Variants in GALNT2 observed in about 807,000 individuals in gnomAD.
The protein encoded by GALNT2 is polypeptide N-acetylgalactosaminyltransferase 2.
A neutral mutation model predicts 81.4 loss-of-function variants in GALNT2; 31 were observed. The ratio of observed to expected loss-of-function variants is 0.38; its 90% CI spans 0.29 to 0.51. The LOEUF (loss-of-function observed/expected upper bound fraction) is 0.51, where lower values mean the gene tolerates loss of function less well. Ranked by LOEUF, GALNT2 falls within the 20% of genes least tolerant of loss-of-function variation. The pLI, the probability that GALNT2 is intolerant of heterozygous loss-of-function variation, is 0.87. For synonymous variants in GALNT2, 303 were observed against 287.4 expected (o/e 1.05, Z -0.55); for missense variants, 629 against 765.7 (o/e 0.82, Z 2.11).
intron 8 of GALNT2, among the ~76,000 whole-genome samples, chr1:230,247,392 C>T (rs76601979): frequency 5.3e-5 from 8 of 152,202 alleles, no homozygotes; most frequent in African/African-American, 1.9e-4. Context: ...TCAGCTTCCC[C>T]CTCTGGGAAA....
chr1:230,235,260 T>C (rs1045619091), intron 3 of GALNT2, among the ~76,000 whole-genome samples: 3 of 151,524 alleles, frequency 2.0e-5, no homozygotes, highest in Admixed American at 2.0e-4. Context: ...TCTTCTAGTC[T>C]TGTGTCTGTC....
intron 1 of GALNT2, among the ~76,000 whole-genome samples, chr1:230,106,712 C>T (rs1660555733): frequency 6.6e-6 from 1 of 152,306 alleles, no homozygotes; most frequent in Non-Finnish European, 1.5e-5. Flanking sequence ...TTGCTAAGCT[C>T]TGTGCTAAGG....
In GALNT2 at chr1:230,249,782, A is replaced by T. The variant is rs528442858; in HGVS notation, c.905+511A>T. Among the ~76,000 whole-genome samples the T allele has an allele frequency of 3.3e-5, 5 of 152,372 alleles. No homozygotes were observed. The South Asian group carries it at 1.0e-3, about 32-fold the overall frequency. On this transcript the variant is annotated intron_variant, in intron 9 of 15. Transcript: ENST00000366672. ...AGGGGGCCACCTCTTCCAAGTTGGC[A>T]CACGGTTAAGTGAGATAGCATTCAC...
chr1:230,215,360 T>C (rs1664358012), intron 3 of GALNT2, among the ~76,000 whole-genome samples: 2 of 152,252 alleles, frequency 1.3e-5, no homozygotes, highest in Non-Finnish European at 2.9e-5. Flanking sequence ...TCAGAGAATG[T>C]TGGCCTTCCT....
chr1:230,274,459 G>A lies in GALNT2; in HGVS notation c.1455G>A (p.Thr485=), dbSNP rs376135832. The stretch of plus-strand genomic sequence containing the variant: ...TTGTGTTCCAGGAATGGGCCTTGAC[G>A]AAGGAGAAGTCGGTGAAGCACATGG... ...NAGGNQEWAL[T]KEKSVKHMDL... is the part of the protein sequence containing the mutation. Residue 485 remains threonine (T), a synonymous_variant, in exon 15 of 16, where the codon ACG becomes ACA. Coordinates refer to ENST00000366672, the MANE Select transcript of GALNT2 (RefSeq NM_004481.5). 213 of 1,613,608 alleles carry A rather than the reference G, an allele frequency of 1.3e-4. No individual in the cohort carries two copies. Among genetic ancestry groups the A allele is most frequent in the Middle Eastern group, 1.7e-4 (1 of 6,060 alleles).
chr1:230,096,305 A>C (rs1220852691), intron 1 of GALNT2, among the ~76,000 whole-genome samples: 1 of 152,242 alleles, frequency 6.6e-6, no homozygotes, highest in African/African-American at 2.4e-5. Context: ...ATTACAACTA[A>C]AGCATTCTTT....
At chr1:230,219,603 A>G (rs1191480923) in intron 3 of GALNT2, among the ~76,000 whole-genome samples, 1 of 152,036 alleles carries the variant, frequency 6.6e-6, no homozygotes, top group African/African-American at 2.4e-5. Context: ...TGGTGAGGAC[A>G]CCTGGATCCC....
intron 14 of GALNT2, among the ~76,000 whole-genome samples, chr1:230,272,458 C>T (rs1666182402): frequency 6.6e-6 from 1 of 152,138 alleles, no homozygotes; most frequent in South Asian, 2.1e-4. Context: ...GTCTGTTTCC[C>T]AAATTCATTT....
chr1:230,198,006 G>C (rs2102702599), intron 2 of GALNT2, among the ~76,000 whole-genome samples: 1 of 152,364 alleles, frequency 6.6e-6, no homozygotes. Flanking sequence ...GTAGGAGTAA[G>C]CGTCCGGCGC....
intron 1 of GALNT2, among the ~76,000 whole-genome samples, chr1:230,174,239 C>T (rs1294617990): frequency 6.6e-6 from 1 of 152,166 alleles, no homozygotes; most frequent in African/African-American, 2.4e-5. Flanking sequence ...GCTCCGAGGC[C>T]AGTGCTGCTC....
intron 3 of GALNT2, among the ~76,000 whole-genome samples, chr1:230,216,197 C>T (rs1022808874): frequency 3.9e-5 from 6 of 152,120 alleles, no homozygotes; most frequent in African/African-American, 7.2e-5. Context: ...TGCCCCCCGT[C>T]GTGGAACCAT....
intron 3 of GALNT2, among the ~76,000 whole-genome samples, chr1:230,221,106 G>A (rs991505240): frequency 2.0e-5 from 3 of 152,142 alleles, no homozygotes; most frequent in Non-Finnish European, 4.4e-5. Context: ...TCTGATGTTC[G>A]ATGTATGTCA....
intron 1 of GALNT2, among the ~76,000 whole-genome samples, chr1:230,124,797 A>G (rs2102805331): frequency 6.6e-6 from 1 of 152,296 alleles, no homozygotes; most frequent in Non-Finnish European, 1.5e-5. Context: ...TCCCACCTGC[A>G]TTACCCCCAT....
chr1:230,203,379 C>A, intron 3 of GALNT2, 89 bp downstream of exon 3: 1 of 1,424,826 alleles, frequency 7.0e-7, no homozygotes. Context: ...AGAACTTCTC[C>A]ATTACTCTGG....
chr1:230,247,337 C>T (rs1361374390), intron 8 of GALNT2, among the ~76,000 whole-genome samples: 2 of 152,244 alleles, frequency 1.3e-5, no homozygotes, highest in East Asian at 3.9e-4. Context: ...CCACCTGCCT[C>T]TTGCAGGCCC....
At chr1:230,127,458 C>T (rs1161722757) in intron 1 of GALNT2, among the ~76,000 whole-genome samples, 2 of 152,106 alleles carry the variant, frequency 1.3e-5, no homozygotes, top group East Asian at 1.9e-4. Context: ...TCACTGCAAC[C>T]TCCGCCTCCT....
At chr1:230,204,511 G>A (rs1337136748) in intron 3 of GALNT2, among the ~76,000 whole-genome samples, 1 of 152,080 alleles carries the variant, frequency 6.6e-6, no homozygotes, top group Admixed American at 6.5e-5. Flanking sequence ...GGTACTTTGG[G>A]GTCTATGAAG....
chr1:230,210,872 A>G (rs1022082161), intron 3 of GALNT2, among the ~76,000 whole-genome samples: 2 of 152,210 alleles, frequency 1.3e-5, no homozygotes, highest in Non-Finnish European at 2.9e-5. Context: ...AGGATTAAGG[A>G]TTGTGGGGAA....
chr1:230,119,620 G>GT (rs773686322), intron 1 of GALNT2, among the ~76,000 whole-genome samples: 10 of 152,120 alleles, frequency 6.6e-5, no homozygotes, highest in Non-Finnish European at 1.3e-4. Context: ...TTGCTAGGCT[G>GT]TTTGTATAAA....
Sources: allele counts gnomAD v4.1 joint callset (sites outside exome capture counted in the v4.1 genomes callset), GRCh38; gene constraint gnomAD v4.1.1; transcripts MANE v1.5; gene names NCBI Gene and HGNC (gene_info 2026-07-23, HGNC 2026-07-21).